REDIC1: variants seen among roughly 807,000 people sequenced by gnomAD.
REDIC1 encodes the protein regulator of DNA class I crossover intermediates 1.
chr12:39,737,315 T>G, the REDIC1 span, among the ~76,000 whole-genome samples: 1 of 152,362 alleles, frequency 6.6e-6, no homozygotes, highest in East Asian at 1.9e-4. Context: ...TTCTATCCTT[T>G]GCTCTAGTTC....
chr12:39,862,665 T>C, the REDIC1 span, among the ~76,000 whole-genome samples: 10 of 152,220 alleles, frequency 6.6e-5, no homozygotes, highest in Admixed American at 5.9e-4. Context: ...GTGATTCTTT[T>C]CCTGTTTGTC....
chr12:39,683,042 C>T, the REDIC1 span: 2 of 1,613,096 alleles, frequency 1.2e-6, no homozygotes, highest in Non-Finnish European at 1.7e-6. Flanking sequence ...AAATGTCAGC[C>T]AAACAAGAAG....
the REDIC1 span, among the ~76,000 whole-genome samples, chr12:39,744,188 C>A: frequency 6.6e-6 from 1 of 152,120 alleles, no homozygotes. Flanking sequence ...GGGTGAAATA[C>A]TTAAATAAAA....
the REDIC1 span, among the ~76,000 whole-genome samples, chr12:39,781,589 T>G: frequency 2.0e-5 from 3 of 152,258 alleles, no homozygotes; most frequent in African/African-American, 7.2e-5. Context: ...CAAAGCGATT[T>G]TATGTAAGGA....
the REDIC1 span, among the ~76,000 whole-genome samples, chr12:39,748,371 T>C: frequency 6.6e-6 from 1 of 152,216 alleles, no homozygotes; most frequent in Admixed American, 6.5e-5. Context: ...AAGAGCTAAC[T>C]ATCTTAAATA....
chr12:39,827,863 T>C, the REDIC1 span, among the ~76,000 whole-genome samples: 2 of 152,144 alleles, frequency 1.3e-5, no homozygotes, highest in Non-Finnish European at 2.9e-5. Flanking sequence ...ATTAATGGTG[T>C]TGCCATTCCA....
the REDIC1 span, among the ~76,000 whole-genome samples, chr12:39,880,307 A>G: frequency 6.6e-6 from 1 of 152,212 alleles, no homozygotes; most frequent in African/African-American, 2.4e-5. Context: ...GCTTTAATAG[A>G]AAAATGTTTT....
At chr12:39,827,432 G>A in the REDIC1 span, among the ~76,000 whole-genome samples, 1 of 152,088 alleles carries the variant, frequency 6.6e-6, no homozygotes, top group Non-Finnish European at 1.5e-5. Flanking sequence ...CAGAGGCAAG[G>A]CCTGGAGCTT....
the REDIC1 span, among the ~76,000 whole-genome samples, chr12:39,827,687 A>AT: frequency 6.6e-6 from 1 of 152,116 alleles, no homozygotes; most frequent in Non-Finnish European, 1.5e-5. Flanking sequence ...CTGCTAAATA[A>AT]TTTTTTTAAG....
the REDIC1 span, among the ~76,000 whole-genome samples, chr12:39,709,071 G>A: frequency 5.3e-5 from 8 of 151,566 alleles, no homozygotes; most frequent in African/African-American, 1.9e-4. Flanking sequence ...GCACTTTCCC[G>A]AAGTTTTCCT....
At chr12:39,842,744 T>C in the REDIC1 span, among the ~76,000 whole-genome samples, 941 of 152,176 alleles carry the variant, frequency 6.2e-3, 11 homozygotes, top group African/African-American at 0.021. Flanking sequence ...ACATTTTCAT[T>C]GCTCAAGAAT....
At chr12:39,703,088 A>G in the REDIC1 span, among the ~76,000 whole-genome samples, 9 of 152,218 alleles carry the variant, frequency 5.9e-5, no homozygotes, top group African/African-American at 9.6e-5. Context: ...GGCCAGGGCA[A>G]TTAGGCAGGA....
the REDIC1 span, among the ~76,000 whole-genome samples, chr12:39,632,005 G>C: frequency 6.6e-6 from 1 of 151,158 alleles, no homozygotes; most frequent in Non-Finnish European, 1.5e-5. Context: ...ATAAAGAACT[G>C]TTTTTGCTTT....
the REDIC1 span, chr12:39,759,987 C>G: frequency 6.6e-7 from 1 of 1,512,822 alleles, no homozygotes; most frequent in Non-Finnish European, 9.2e-7. Context: ...CTTCTCCCCC[C>G]AGTTTGTTTA....
At chr12:39,884,920 T>C in the REDIC1 span, among the ~76,000 whole-genome samples, 1 of 152,140 alleles carries the variant, frequency 6.6e-6, no homozygotes, top group African/African-American at 2.4e-5. Flanking sequence ...TGGGGAGAAC[T>C]GGAAAGAACC....
At chr12:39,818,913 G>A in the REDIC1 span, among the ~76,000 whole-genome samples, 144 of 152,160 alleles carry the variant, frequency 9.5e-4, no homozygotes, top group Non-Finnish European at 1.7e-3. Context: ...GCAGAATTCC[G>A]ATTGCCTGTT....
At chr12:39,703,299 CAGAG>C in the REDIC1 span, among the ~76,000 whole-genome samples, 7 of 150,650 alleles carry the variant, frequency 4.6e-5, no homozygotes, top group South Asian at 2.1e-4. Flanking sequence ...AACAGACAAA[CAGAG>C]AGCCAAATCA....
chr12:39,712,552 CAT>C, the REDIC1 span, among the ~76,000 whole-genome samples: 820 of 139,192 alleles, frequency 5.9e-3, 5 homozygotes, highest in African/African-American at 0.021. Context: ...ATATACACGA[CAT>C]ATGTGTATAT....
the REDIC1 span, among the ~76,000 whole-genome samples, chr12:39,849,850 CT>C: frequency 6.6e-6 from 1 of 151,838 alleles, no homozygotes; most frequent in Non-Finnish European, 1.5e-5. Flanking sequence ...CTACTCCCTT[CT>C]TTTTTTTCTG....
Sources: allele counts gnomAD v4.1 joint callset (sites outside exome capture counted in the v4.1 genomes callset), GRCh38; gene constraint gnomAD v4.1.1; transcripts MANE v1.5; gene names NCBI Gene and HGNC (gene_info 2026-07-23, HGNC 2026-07-21).